Variants in FBXL7 observed in about 807,000 individuals in gnomAD.
The protein encoded by FBXL7 is F-box and leucine rich repeat protein 7.
Under a neutral mutation model 38.3 loss-of-function variants are expected in FBXL7, and 12 were observed. The observed-to-expected ratio is 0.31, with a 90% CI of 0.20 to 0.51. The LOEUF is 0.51. Among genes scored for constraint, FBXL7 ranks in the 20% least tolerant of loss-of-function variants. The pLI is 0.98. For synonymous variants in FBXL7, 297 were observed against 300.9 expected, an observed-to-expected ratio of 0.99 and a Z score of 0.13; for missense variants, 567 against 676.4, an observed-to-expected ratio of 0.84 and a Z score of 1.79.
rs1324238680 is a variant in FBXL7 at position 15,500,354 on chromosome 5, C to CCGG, written c.-311_-309dup. ...GGGATCGGGGCGGGCGGATGGGGAC[C>CCGG]CGGCGGCGGCGGCGCGGTGAGCCTC... is the stretch of plus-strand genomic sequence containing the variant. On this transcript the variant is annotated 5_prime_UTR_variant, in exon 1 of 4. Transcript: ENST00000504595. 2 of 154,202 alleles carry CCGG rather than the reference C, an allele frequency of 1.3e-5. No homozygotes were observed. Among genetic ancestry groups the CCGG allele is most frequent in the East Asian group, 1.9e-4 (1 of 5,206 alleles). 9.6% of individuals were successfully genotyped at this position (154,202 alleles called of 1,614,324 possible). A position where few individuals can be genotyped will look rare whatever the true frequency, so the allele number is the denominator to read the frequency against.
At chr5:15,693,473 G>A (rs1003978803) in intron 2 of FBXL7, among the ~76,000 whole-genome samples, 1 of 152,120 alleles carries the variant, frequency 6.6e-6, no homozygotes, top group Non-Finnish European at 1.5e-5. Context: ...CAGGCGGTGG[G>A]CCGGGAAGTG....
chr5:15,725,842 T>G (rs977513454), intron 2 of FBXL7, among the ~76,000 whole-genome samples: 2 of 152,206 alleles, frequency 1.3e-5, no homozygotes, highest in African/African-American at 4.8e-5. Flanking sequence ...TTCACCATGT[T>G]GGCCAGGCTG....
At chr5:15,813,620 A>G (rs1025544087) in intron 2 of FBXL7, among the ~76,000 whole-genome samples, 5 of 152,180 alleles carry the variant, frequency 3.3e-5, no homozygotes, top group African/African-American at 1.2e-4. Context: ...AAAAGAAACT[A>G]TCATCAGAGT....
At chr5:15,636,101 G>GT (rs199871218) in intron 2 of FBXL7, among the ~76,000 whole-genome samples, 1,847 of 140,756 alleles carry the variant, frequency 0.013, 10 homozygotes, top group African/African-American at 0.02. Context: ...TTGTATATCT[G>GT]TTTTTTTTTT....
At chr5:15,597,036 A>G (rs1016624666) in intron 1 of FBXL7, among the ~76,000 whole-genome samples, 1 of 152,222 alleles carries the variant, frequency 6.6e-6, no homozygotes, top group African/African-American at 2.4e-5. Flanking sequence ...CCAGTTGATT[A>G]GAAGTATGAG....
At chr5:15,638,786 A>G (rs1054671549) in intron 2 of FBXL7, among the ~76,000 whole-genome samples, 1 of 152,188 alleles carries the variant, frequency 6.6e-6, no homozygotes, top group African/African-American at 2.4e-5. Flanking sequence ...AGAAATGAGT[A>G]TGCTGATTGC....
intron 3 of FBXL7, chr5:15,935,067 G>A (rs535545855): frequency 2.8e-5 from 14 of 502,464 alleles, no homozygotes; most frequent in African/African-American, 2.5e-4. Flanking sequence ...GGAGGGCTAA[G>A]GGAAGCCATT....
chr5:15,678,575 C>T (rs1231726418), intron 2 of FBXL7, among the ~76,000 whole-genome samples: 1 of 152,142 alleles, frequency 6.6e-6, no homozygotes, highest in African/African-American at 2.4e-5. Context: ...GCTGTGTCCC[C>T]ACCTAAATCT....
intron 2 of FBXL7, among the ~76,000 whole-genome samples, chr5:15,645,189 T>C (rs535641051): frequency 5.3e-5 from 8 of 152,272 alleles, no homozygotes; most frequent in Admixed American, 5.2e-4. Flanking sequence ...ATTGACACAC[T>C]TTCCTACCTT....
chr5:15,936,606 A>T lies in FBXL7; in HGVS notation c.896A>T (p.Gln299Leu), dbSNP rs1241244190. ...CACACCATCGCGGCGCACTGCACGC[A>T]GCTCACCCACCTCTACCTGCGCCGC... ...GLHTIAAHCT[Q>L]LTHLYLRRCV... The change falls in exon 4 of 4, where the codon CAG (glutamine) becomes CTG (leucine). Residue 299 changes from glutamine to leucine, a missense_variant. Physicochemically the swap from Gln to Leu is moderately radical, Grantham distance 113. Coordinates refer to ENST00000504595, the MANE Select transcript of FBXL7 (RefSeq NM_012304.5). The surrounding 1 kb of genome is among the most constrained non-coding windows in gnomAD (Gnocchi z 6.0). The T allele has an allele frequency of 6.2e-7, 1 of 1,610,896 alleles. No homozygotes were observed. Among genetic ancestry groups the T allele is most frequent in the Admixed American group, 1.7e-5 (1 of 60,024 alleles).
At chr5:15,684,479 A>T (rs368956988) in intron 2 of FBXL7, among the ~76,000 whole-genome samples, 1 of 152,226 alleles carries the variant, frequency 6.6e-6, no homozygotes, top group Non-Finnish European at 1.5e-5. Context: ...GTTAGGCAGA[A>T]TAATGGCCCC....
chr5:15,897,154 T>A (rs142223900), intron 2 of FBXL7, among the ~76,000 whole-genome samples: 80 of 152,040 alleles, frequency 5.3e-4, no homozygotes, highest in Middle Eastern at 3.4e-3. Flanking sequence ...ACGTATATAT[T>A]TTTTTTTCAT....
intron 2 of FBXL7, among the ~76,000 whole-genome samples, chr5:15,768,741 G>A (rs1736656714): frequency 6.6e-6 from 1 of 152,112 alleles, no homozygotes; most frequent in Non-Finnish European, 1.5e-5. Context: ...ACTAGTGCTG[G>A]TCCAGCCAGG....
intron 2 of FBXL7, among the ~76,000 whole-genome samples, chr5:15,645,151 T>C (rs1352230581): frequency 6.6e-6 from 1 of 152,184 alleles, no homozygotes; most frequent in Non-Finnish European, 1.5e-5. Context: ...AGCCAACATG[T>C]ATATTCATAA....
At chr5:15,713,655 T>C (rs1367185765) in intron 2 of FBXL7, among the ~76,000 whole-genome samples, 1 of 152,348 alleles carries the variant, frequency 6.6e-6, no homozygotes, top group Non-Finnish European at 1.5e-5. Context: ...GTAAAACTTT[T>C]AGATGATTGT....
chr5:15,854,151 A>G (rs1438783774), intron 2 of FBXL7, among the ~76,000 whole-genome samples: 7 of 152,326 alleles, frequency 4.6e-5, no homozygotes, highest in Middle Eastern at 6.8e-3. Context: ...AGAGAGAGGC[A>G]GAGGAGCTGT....
chr5:15,817,871 C>T (rs141980653), intron 2 of FBXL7, among the ~76,000 whole-genome samples: 6 of 152,158 alleles, frequency 3.9e-5, no homozygotes, highest in African/African-American at 9.6e-5. Flanking sequence ...AATACAAGGG[C>T]GAAGGAAACC....
chr5:15,899,089 G>A (rs1247189975), intron 2 of FBXL7, among the ~76,000 whole-genome samples: 3 of 151,626 alleles, frequency 2.0e-5, no homozygotes, highest in South Asian at 2.1e-4. Flanking sequence ...TTTTTGAGAC[G>A]GAGTTTTGCT....
At chr5:15,900,288 A>T (rs1741203634) in intron 2 of FBXL7, among the ~76,000 whole-genome samples, 1 of 152,196 alleles carries the variant, frequency 6.6e-6, no homozygotes, top group Non-Finnish European at 1.5e-5. Context: ...AGTCATCCTC[A>T]CCACATTCCT....
Sources: gnomAD v4.1 joint callset for allele counts (sites outside exome capture counted in the v4.1 genomes callset) on GRCh38, gnomAD v4.1.1 for gene constraint, Gnocchi (gnomAD v3.1) non-coding constraint, MANE v1.5 for transcripts, NCBI Gene and HGNC (gene_info 2026-07-23, HGNC 2026-07-21) for gene names.